Variants in RIMS2 observed in about 807,000 individuals in gnomAD.
The protein encoded by RIMS2 is regulating synaptic membrane exocytosis 2, also known as regulating synaptic membrane exocytosis protein 2.
Under a neutral mutation model 174.4 loss-of-function variants are expected in RIMS2, and 59 were observed. That is an observed-to-expected ratio of 0.34 (90% CI 0.27 to 0.42). The LOEUF (loss-of-function observed/expected upper bound fraction) is 0.42. Among genes scored for constraint, RIMS2 ranks in the 10% least tolerant of loss-of-function variants. RIMS2 has a pLI of 1.00. For missense variants in RIMS2, 1,620 were observed against 1,666.3 expected (o/e 0.97, Z 0.48); for synonymous variants, 606 against 572.5 (o/e 1.06, Z -0.84).
At position 103,798,408 on chromosome 8, in the gene RIMS2, A is replaced by G. The variant is rs1268591016; in HGVS notation, c.698+31871A>G. The stretch of plus-strand genomic sequence containing the variant: ...ATAAAGGAATTTTAAAAGATAGAAG[A>G]TACAGCATTGTGTAAAAATAGCATG... On this transcript the variant is annotated intron_variant, in intron 3 of 23. Transcript: ENST00000504942. Among the ~76,000 whole-genome samples, 3 of 152,272 alleles carry G rather than the reference A, an allele frequency of 2.0e-5. No individual in the cohort carries two copies. In the South Asian group the frequency reaches 6.2e-4, roughly 32 times the overall value.
At chr8:104,130,184 G>A (rs1284082289) in intron 19 of RIMS2, among the ~76,000 whole-genome samples, 1 of 152,130 alleles carries the variant, frequency 6.6e-6, no homozygotes, top group Non-Finnish European at 1.5e-5. Flanking sequence ...AATTGCAATA[G>A]AAGAATTTCC....
intron 1 of RIMS2, among the ~76,000 whole-genome samples, chr8:103,579,669 G>A (rs1488099467): frequency 6.6e-6 from 1 of 151,984 alleles, no homozygotes; most frequent in Non-Finnish European, 1.5e-5. Context: ...TTTTTTATAA[G>A]CTTCATGGTA....
At chr8:103,650,318 G>A (rs1263954534) in intron 1 of RIMS2, among the ~76,000 whole-genome samples, 2 of 152,070 alleles carry the variant, frequency 1.3e-5, no homozygotes, top group Admixed American at 1.3e-4. Flanking sequence ...TTTTCAGTGG[G>A]GCACTGACCT....
intron 19 of RIMS2, among the ~76,000 whole-genome samples, chr8:104,159,934 T>G (rs2098750774): frequency 6.6e-6 from 1 of 150,650 alleles, no homozygotes; most frequent in Non-Finnish European, 1.5e-5. Flanking sequence ...AGGTCAGGAG[T>G]TCAAGAGCAG....
intron 3 of RIMS2, among the ~76,000 whole-genome samples, chr8:103,856,063 A>G (rs1001777276): frequency 2.0e-5 from 3 of 152,138 alleles, no homozygotes; most frequent in Admixed American, 6.6e-5. Flanking sequence ...TGTTGCATGC[A>G]TATGTATTTA....
chr8:103,606,673 A>C (rs969972857), intron 1 of RIMS2, among the ~76,000 whole-genome samples: 2 of 152,130 alleles, frequency 1.3e-5, no homozygotes, highest in African/African-American at 4.8e-5. Flanking sequence ...TGCTCTATGA[A>C]TCTGGGTGCT....
chr8:104,203,094 C>T (rs2099062688), intron 19 of RIMS2, among the ~76,000 whole-genome samples: 1 of 152,122 alleles, frequency 6.6e-6, no homozygotes, highest in African/African-American at 2.4e-5. Context: ...ATTGTCATTC[C>T]TCCCAGCCCC....
intron 2 of RIMS2, among the ~76,000 whole-genome samples, chr8:103,729,873 A>T (rs2097570179): frequency 6.6e-6 from 1 of 151,938 alleles, no homozygotes; most frequent in South Asian, 2.1e-4. Flanking sequence ...CTTGTTATTG[A>T]TTTTTAGTTT....
At chr8:103,748,985 A>G (rs2097853359) in intron 2 of RIMS2, among the ~76,000 whole-genome samples, 1 of 151,834 alleles carries the variant, frequency 6.6e-6, no homozygotes, top group Admixed American at 6.6e-5. Flanking sequence ...TTTTTAGTAG[A>G]GACAGGGTTT....
chr8:103,774,808 G>C (rs2098294952), intron 3 of RIMS2, among the ~76,000 whole-genome samples: 1 of 152,146 alleles, frequency 6.6e-6, no homozygotes, highest in South Asian at 2.1e-4. Flanking sequence ...TATCTTCATA[G>C]GGGTATGGAT....
At chr8:103,721,052 T>C (rs2138422822) in intron 2 of RIMS2, among the ~76,000 whole-genome samples, 1 of 152,288 alleles carries the variant, frequency 6.6e-6, no homozygotes, top group Non-Finnish European at 1.5e-5. Flanking sequence ...GGATCCTTCA[T>C]GAATGGTTTA....
At chr8:103,730,760 A>G (rs937403043) in intron 2 of RIMS2, among the ~76,000 whole-genome samples, 6 of 152,194 alleles carry the variant, frequency 3.9e-5, no homozygotes, top group Non-Finnish European at 8.8e-5. Flanking sequence ...TTTCTGTAGG[A>G]CAGATCTGAT....
intron 3 of RIMS2, among the ~76,000 whole-genome samples, chr8:103,785,461 T>G (rs2098435027): frequency 6.6e-6 from 1 of 152,112 alleles, no homozygotes; most frequent in Non-Finnish European, 1.5e-5. Context: ...CCTAATTTAT[T>G]GAGAGTTTTT....
intron 3 of RIMS2, among the ~76,000 whole-genome samples, chr8:103,845,954 C>G (rs1052906844): frequency 2.6e-5 from 4 of 152,126 alleles, no homozygotes; most frequent in Non-Finnish European, 5.9e-5. Context: ...GAACGTAATA[C>G]TTACTGGTGA....
At chr8:104,146,320 G>A (rs529993848) in intron 19 of RIMS2, among the ~76,000 whole-genome samples, 2 of 151,364 alleles carry the variant, frequency 1.3e-5, no homozygotes, top group Non-Finnish European at 2.9e-5. Context: ...TCGAGGTTAC[G>A]ATGAGCTATG....
chr8:104,130,427 T>C (rs1046396719), intron 19 of RIMS2, among the ~76,000 whole-genome samples: 1 of 152,186 alleles, frequency 6.6e-6, no homozygotes, highest in Non-Finnish European at 1.5e-5. Context: ...CTGAATCCTG[T>C]AGCTGACTGA....
intron 3 of RIMS2, among the ~76,000 whole-genome samples, chr8:103,783,392 G>C (rs1413161885): frequency 2.0e-5 from 3 of 150,256 alleles, no homozygotes; most frequent in Non-Finnish European, 1.5e-5. Flanking sequence ...CTAGCATTAG[G>C]TATATCTCCC....
At chr8:103,779,440 T>A (rs530056670) in intron 3 of RIMS2, among the ~76,000 whole-genome samples, 2 of 152,172 alleles carry the variant, frequency 1.3e-5, no homozygotes, top group African/African-American at 4.8e-5. Context: ...AAAGATAGGA[T>A]TCTAGTTTCA....
At chr8:104,105,547 T>C (rs1338074639) in intron 19 of RIMS2, among the ~76,000 whole-genome samples, 1 of 152,086 alleles carries the variant, frequency 6.6e-6, no homozygotes. Flanking sequence ...TTCATTGATA[T>C]GAAATTGGAC....
Sources: gnomAD v4.1 joint callset for allele counts (sites outside exome capture counted in the v4.1 genomes callset) on GRCh38, gnomAD v4.1.1 for gene constraint, MANE v1.5 for transcripts, NCBI Gene and HGNC (gene_info 2026-07-23, HGNC 2026-07-21) for gene names.